Variants in SP6 observed in about 807,000 individuals in gnomAD.
The protein encoded by SP6 is transcription factor Sp6.
In SP6, 10 loss-of-function variants were observed where a neutral mutation model predicts 23.4. The ratio of observed to expected loss-of-function variants is 0.43; its 90% CI spans 0.26 to 0.72. The LOEUF (loss-of-function observed/expected upper bound fraction) is 0.72, where lower values mean the gene tolerates loss of function less well. SP6 is among the 30% of genes least tolerant of loss of function. The pLI, the probability that SP6 is intolerant of heterozygous loss-of-function variation, is 0.23. For synonymous variants in SP6, 238 were observed against 238.7 expected (o/e 1.00, Z 0.03); for missense variants, 482 against 523.8 (o/e 0.92, Z 0.78).
At chr17:47,875,860 T>C in the SP6 span, among the ~76,000 whole-genome samples, 1 of 152,152 alleles carries the variant, frequency 6.6e-6, no homozygotes, top group Non-Finnish European at 1.5e-5. Flanking sequence ...TTTTTCCTTC[T>C]CTCTGATCTT....
the SP6 span, among the ~76,000 whole-genome samples, chr17:47,872,082 G>C: frequency 6.6e-6 from 1 of 152,146 alleles, no homozygotes; most frequent in Admixed American, 6.6e-5. Context: ...TGAAAAATAG[G>C]AAAAGGGGAA....
At chr17:47,874,086 C>T in the SP6 span, among the ~76,000 whole-genome samples, 10 of 150,782 alleles carry the variant, frequency 6.6e-5, no homozygotes, top group African/African-American at 2.4e-4. Context: ...CCTCCTCCTT[C>T]TTCTTCTTTT....
At position 47,847,872 on chromosome 17, in the gene SP6, G is replaced by A. The variant is rs765703831; in HGVS notation, c.558C>T (p.Pro186=). 6 of 1,541,030 alleles carry A rather than the reference G, an allele frequency of 3.9e-6. No homozygotes were observed. Among genetic ancestry groups the A allele is most frequent in the Non-Finnish European group, 5.2e-6 (6 of 1,143,972 alleles). ...CTACTTCCAAGGCCTTAGCCCCGTC[G>A]GGCGGCCCTAGGAGATGCTGCCCTC... The part of the protein sequence containing the change: ...AAGGQHLLGP[P]DGAKALEVAA... Residue 186 remains proline (P), a synonymous_variant, in exon 2 of 2, where the codon CCC becomes CCT. Transcript: ENST00000536300.
At chr17:47,851,253 G>C (rs987279258), upstream of SP6, 1 of 12,338 alleles carries the variant, frequency 8.1e-5, no homozygotes, top group Non-Finnish European at 1.5e-4. Flanking sequence ...TTGAGGGCTC[G>C]GCTGGACCGG....
At chr17:47,858,084 C>T (rs71377321), upstream of SP6, among the ~76,000 whole-genome samples, 2 of 152,118 alleles carry the variant, frequency 1.3e-5, no homozygotes, top group African/African-American at 4.8e-5. Context: ...GCCCTCGCCT[C>T]TCGGTCTCCC....
chr17:47,847,397 C>G lies in SP6; in HGVS notation c.1033G>C (p.Gly345Arg), dbSNP rs1374271575. The change falls in exon 2 of 2, where the codon GGG (glycine) becomes CGG (arginine). Residue 345 changes from glycine to arginine, a missense_variant. By Grantham distance (125) the Gly-to-Arg change is moderately radical (BLOSUM62 -2). This residue lies in a region of SP6 where 101 missense variants were observed against 99.3 expected (regional missense o/e 1.02). Coordinates refer to ENST00000536300, the MANE Select transcript of SP6 (RefSeq NM_001258248.2). ...THEGAKEEAAGAASGEGKAGG... is the reference protein window; with the variant it reads ...THEGAKEEAARAASGEGKAGG... ...GCCTTGCCCTCTCCCGAGGCCGCCC[C>G]AGCCGCCTCCTCCTTGGCGCCCTCG... is the stretch of plus-strand genomic sequence containing the variant. 5 of 1,613,042 alleles carry G rather than the reference C, an allele frequency of 3.1e-6. No individual in the cohort carries two copies. The highest frequency in any genetic ancestry group is 4.2e-6 in the Non-Finnish European group (5 of 1,179,710).
At chr17:47,851,871 C>T (rs1018842728), upstream of SP6, among the ~76,000 whole-genome samples, 2 of 151,886 alleles carry the variant, frequency 1.3e-5, no homozygotes, top group African/African-American at 4.8e-5. Flanking sequence ...CCTCTGCCCA[C>T]CACCGGTCTC....
the SP6 span, among the ~76,000 whole-genome samples, chr17:47,870,811 A>G: frequency 2.6e-5 from 4 of 152,130 alleles, no homozygotes; most frequent in Non-Finnish European, 4.4e-5. Context: ...GACTTCAGGA[A>G]CATCCACCTC....
At chr17:47,858,626 C>A (rs57948485), upstream of SP6, among the ~76,000 whole-genome samples, 5 of 152,102 alleles carry the variant, frequency 3.3e-5, no homozygotes, top group Non-Finnish European at 5.9e-5. Flanking sequence ...GAAATGGGCA[C>A]TGGTCTGTGG....
At chr17:47,855,724 T>C (rs1463284526), upstream of SP6, 2 of 152,688 alleles carry the variant, frequency 1.3e-5, no homozygotes, top group African/African-American at 4.8e-5. Flanking sequence ...CCAGGCTTTA[T>C]AAAGGAGGTG....
upstream of SP6, among the ~76,000 whole-genome samples, chr17:47,859,194 C>T (rs2034019140): frequency 6.6e-6 from 1 of 152,174 alleles, no homozygotes; most frequent in African/African-American, 2.4e-5. Context: ...TCTTCTCTCC[C>T]GCTGGTCCTC....
chr17:47,849,355 A>G (rs1469462832), intron 1 of SP6, among the ~76,000 whole-genome samples: 1 of 152,224 alleles, frequency 6.6e-6, no homozygotes, highest in Non-Finnish European at 1.5e-5. Context: ...CTTGACAGCA[A>G]GCTCTGGAAG....
At chr17:47,853,012 C>T (rs948696586), upstream of SP6, among the ~76,000 whole-genome samples, 1 of 152,176 alleles carries the variant, frequency 6.6e-6, no homozygotes, top group Non-Finnish European at 1.5e-5. Context: ...TAGAAGTTGA[C>T]GGATTTAAAT....
At chr17:47,861,186 C>T in the SP6 span, among the ~76,000 whole-genome samples, 1 of 152,150 alleles carries the variant, frequency 6.6e-6, no homozygotes, top group African/African-American at 2.4e-5. Flanking sequence ...TTATCTGCTG[C>T]CGGTGGCTCA....
At position 47,847,303 on chromosome 17, in the gene SP6, T is replaced by G. The variant is rs2033896039; in HGVS notation, c.1127A>C (p.Asn376Thr). Residue 376 changes from asparagine (N) to threonine (T), a missense_variant, in exon 2 of 2, where the codon AAC becomes ACC. Transcript: ENST00000536300. ...REAEGSVAPS[N>T] ...AGGGAGGCGGCACTGAGGAGCTCAG[T>G]TGGAGGGAGCCACGCTGCCCTCGGC... 6.5e-7 allele frequency: 1 copy of G among 1,542,636 alleles called. No homozygotes were observed. Among genetic ancestry groups the G allele is most frequent in the Non-Finnish European group, 8.7e-7 (1 of 1,142,928 alleles).
the SP6 span, chr17:47,863,518 A>AGGAG: frequency 1.3e-5 from 2 of 149,706 alleles, no homozygotes; most frequent in African/African-American, 4.9e-5. Flanking sequence ...AAGTGGGCAT[A>AGGAG]GGAGGGTCCC....
At chr17:47,864,629 C>T in the SP6 span, 1 of 152,254 alleles carries the variant, frequency 6.6e-6, no homozygotes, top group Admixed American at 6.5e-5. Context: ...CAGATGCCCA[C>T]AGGGACTTCC....
chr17:47,858,547 A>C (rs1018170067), upstream of SP6, among the ~76,000 whole-genome samples: 3 of 152,216 alleles, frequency 2.0e-5, no homozygotes, highest in Non-Finnish European at 4.4e-5. Flanking sequence ...TGATGAAGAA[A>C]GAGCCTAAAA....
Position 47,848,112 on chromosome 17 carries a change from C to G in SP6, c.318G>C (p.Ser106=). 1 of 1,613,620 alleles carries G rather than the reference C, an allele frequency of 6.2e-7. No homozygotes were observed. Among genetic ancestry groups the G allele is most frequent in the South Asian group, 1.1e-5 (1 of 91,088 alleles). ...LQPDMSHHYE[S]WFRPTHPGAE... ...CGCCTGGGTGAGTCGGCCTGAACCACGATTCATAATGGTGTGACATGTCCG... is the reference window on the plus strand; with the variant it reads ...CGCCTGGGTGAGTCGGCCTGAACCAGGATTCATAATGGTGTGACATGTCCG... Residue 106 remains serine (S), a synonymous_variant, in exon 2 of 2, where the codon TCG becomes TCC. Coordinates refer to ENST00000536300, the MANE Select transcript of SP6 (RefSeq NM_001258248.2). This position sits in a 1 kb window ranked among gnomAD's most constrained non-coding sequence, Gnocchi z 5.3.
Sources: allele counts gnomAD v4.1 joint callset (sites outside exome capture counted in the v4.1 genomes callset), GRCh38; gene constraint gnomAD v4.1.1; regional missense constraint gnomAD v4.1.1; non-coding constraint Gnocchi (gnomAD v3.1); transcripts MANE v1.5; gene names NCBI Gene and HGNC (gene_info 2026-07-23, HGNC 2026-07-21).